The following PTPRT variants were observed in gnomAD, a reference collection of about 807,000 sequenced individuals.
The protein encoded by PTPRT is receptor-type tyrosine-protein phosphatase T.
Under a neutral mutation model 176.8 loss-of-function variants are expected in PTPRT, and 56 were observed. The ratio of observed to expected loss-of-function variants is 0.32; its 90% CI spans 0.26 to 0.40. The LOEUF (loss-of-function observed/expected upper bound fraction) is 0.40. PTPRT is among the 10% of genes least tolerant of loss of function. The pLI is 1.00. For synonymous variants in PTPRT, 783 were observed against 739.0 expected (o/e 1.06, Z -0.96); for missense variants, 1,540 against 1,908.2 (o/e 0.81, Z 3.60).
intron 7 of PTPRT, among the ~76,000 whole-genome samples, chr20:42,537,326 T>C (rs1568959552): frequency 6.6e-6 from 1 of 152,202 alleles, no homozygotes; most frequent in Non-Finnish European, 1.5e-5. Context: ...AATATATTCA[T>C]ATATGATTTG....
chr20:42,072,338 A>G (rs2146041110), downstream of PTPRT, among the ~76,000 whole-genome samples: 1 of 152,308 alleles, frequency 6.6e-6, no homozygotes, highest in Non-Finnish European at 1.5e-5. Context: ...GCTGCTATCA[A>G]ATATTTTTCT....
chr20:42,381,286 C>T (rs1161816258), intron 9 of PTPRT, among the ~76,000 whole-genome samples: 8 of 152,130 alleles, frequency 5.3e-5, no homozygotes, highest in Admixed American at 5.2e-4. Context: ...GGCCAGATGA[C>T]TTGTATTGGA....
intron 1 of PTPRT, among the ~76,000 whole-genome samples, chr20:42,954,212 C>G (rs927741682): frequency 6.6e-6 from 1 of 152,282 alleles, no homozygotes; most frequent in South Asian, 2.1e-4. Flanking sequence ...AACTTGTATT[C>G]CAGGCTGTTG....
At chr20:42,390,136 C>A (rs139471861) in intron 9 of PTPRT, among the ~76,000 whole-genome samples, 1 of 152,138 alleles carries the variant, frequency 6.6e-6, no homozygotes, top group East Asian at 1.9e-4. Context: ...GTATCCTCAG[C>A]AGCTAGTATA....
intron 7 of PTPRT, among the ~76,000 whole-genome samples, chr20:42,488,885 A>T (rs2071509248): frequency 6.6e-6 from 1 of 151,472 alleles, no homozygotes; most frequent in Non-Finnish European, 1.5e-5. Flanking sequence ...AATTGCTTGA[A>T]CCTAGGAGGT....
chr20:42,428,721 T>G (rs6030226), intron 9 of PTPRT, among the ~76,000 whole-genome samples: 106,885 of 151,958 alleles, frequency 0.7, 37,671 homozygotes, highest in East Asian at 0.76. Flanking sequence ...TCACCTCCAT[T>G]GTGGGCATGA....
intron 13 of PTPRT, among the ~76,000 whole-genome samples, chr20:42,254,632 G>A (rs541462655): frequency 1.3e-5 from 2 of 152,168 alleles, no homozygotes; most frequent in South Asian, 2.1e-4. Flanking sequence ...GTGACAGGGG[G>A]TAGATTAGGA....
intron 9 of PTPRT, among the ~76,000 whole-genome samples, chr20:42,419,962 A>G (rs906107184): frequency 1.3e-5 from 2 of 152,178 alleles, no homozygotes; most frequent in African/African-American, 4.8e-5. Flanking sequence ...AGGATTGCTC[A>G]TAACAGCAGA....
intron 11 of PTPRT, among the ~76,000 whole-genome samples, chr20:42,319,441 A>G (rs1196231990): frequency 6.6e-6 from 1 of 152,186 alleles, no homozygotes; most frequent in Non-Finnish European, 1.5e-5. Flanking sequence ...CTGTGCAGTC[A>G]ACATATGGTT....
At chr20:42,672,998 G>C (rs563242312) in intron 7 of PTPRT, among the ~76,000 whole-genome samples, 1 of 152,206 alleles carries the variant, frequency 6.6e-6, no homozygotes, top group Non-Finnish European at 1.5e-5. Flanking sequence ...ATGTTTGATA[G>C]AAAGGAGTGA....
chr20:43,133,488 G>A (rs1019097862), intron 1 of PTPRT, among the ~76,000 whole-genome samples: 3 of 152,132 alleles, frequency 2.0e-5, no homozygotes, highest in African/African-American at 7.2e-5. Flanking sequence ...GCTCACGCCT[G>A]TAATCCCAGC....
At chr20:42,234,638 C>T (rs769099453) in intron 15 of PTPRT, among the ~76,000 whole-genome samples, 5 of 152,244 alleles carry the variant, frequency 3.3e-5, no homozygotes, top group Admixed American at 6.5e-5. Flanking sequence ...TAATAGGTGA[C>T]GTTATGCTAG....
chr20:42,478,669 T>C (rs1434423149), intron 7 of PTPRT, among the ~76,000 whole-genome samples: 2 of 152,108 alleles, frequency 1.3e-5, no homozygotes, highest in Non-Finnish European at 2.9e-5. Flanking sequence ...CCAGCTCCAA[T>C]GCCACCCTTT....
intron 13 of PTPRT, among the ~76,000 whole-genome samples, chr20:42,276,347 A>T (rs746471673): frequency 6.7e-6 from 1 of 150,184 alleles, no homozygotes; most frequent in Non-Finnish European, 1.5e-5. Flanking sequence ...CCATTTGACA[A>T]ACGGCTGATT....
chr20:43,102,319 CAT>C (rs57894831), intron 1 of PTPRT, among the ~76,000 whole-genome samples: 31 of 151,298 alleles, frequency 2.0e-4, no homozygotes, highest in Admixed American at 1.4e-3. Context: ...CACACACACA[CAT>C]ACACTTCCTA....
At chr20:42,977,117 A>G (rs1983000885) in intron 1 of PTPRT, among the ~76,000 whole-genome samples, 1 of 152,212 alleles carries the variant, frequency 6.6e-6, no homozygotes, top group African/African-American at 2.4e-5. Flanking sequence ...GGAGAATTCA[A>G]AAACCAATGA....
intron 27 of PTPRT, among the ~76,000 whole-genome samples, chr20:42,095,654 G>T (rs1336502454): frequency 6.6e-6 from 1 of 152,178 alleles, no homozygotes; most frequent in African/African-American, 2.4e-5. Context: ...AAACACTCGT[G>T]TCAGCCTTCT....
chr20:42,651,352 A>G (rs561535508), intron 7 of PTPRT, among the ~76,000 whole-genome samples: 1 of 152,342 alleles, frequency 6.6e-6, no homozygotes, highest in Admixed American at 6.5e-5. Context: ...TGTCAGAATC[A>G]ATGGACATTT....
At chr20:43,121,283 T>C (rs2013248087) in intron 1 of PTPRT, among the ~76,000 whole-genome samples, 1 of 152,250 alleles carries the variant, frequency 6.6e-6, no homozygotes, top group Admixed American at 6.5e-5. Flanking sequence ...TTCCAGTCTT[T>C]GGTTCTTACA....
Sources: gnomAD v4.1 joint callset for allele counts (sites outside exome capture counted in the v4.1 genomes callset) on GRCh38, gnomAD v4.1.1 for gene constraint, MANE v1.5 for transcripts, NCBI Gene and HGNC (gene_info 2026-07-23, HGNC 2026-07-21) for gene names.